Variants in FLYWCH2 observed in about 807,000 individuals in gnomAD.
FLYWCH2 encodes the protein FLYWCH family member 2.
FLYWCH2 carries 2 observed loss-of-function variants against 6.0 expected under a neutral mutation model. That is an observed-to-expected ratio of 0.33 (90% CI 0.14 to 1.04). The LOEUF (loss-of-function observed/expected upper bound fraction) is 1.04. Ranked by LOEUF, FLYWCH2 falls within the 50% of genes least tolerant of loss-of-function variation. The pLI is 0.45. For synonymous variants in FLYWCH2, 87 were observed against 79.3 expected (o/e 1.10, Z -0.52); for missense variants, 192 against 183.4 (o/e 1.05, Z -0.27).
intron 1 of FLYWCH2, among the ~76,000 whole-genome samples, chr16:2,894,924 C>T (rs1249857940): frequency 6.6e-6 from 1 of 152,148 alleles, no homozygotes; most frequent in Admixed American, 6.5e-5. Context: ...CCATGAGAAC[C>T]TCAAGCCCAG....
intron 1 of FLYWCH2, among the ~76,000 whole-genome samples, chr16:2,891,707 CTCTTT>C (rs1034534787): frequency 1.3e-5 from 2 of 151,690 alleles, no homozygotes; most frequent in African/African-American, 2.4e-5. Context: ...CCTGGCCTCT[CTCTTT>C]TATTTTATTT....
chr16:2,886,741 G>A (rs1392049938), intron 1 of FLYWCH2, among the ~76,000 whole-genome samples: 2 of 151,596 alleles, frequency 1.3e-5, no homozygotes, highest in African/African-American at 4.9e-5. Context: ...GGCTGGTCTC[G>A]AACTCCCGAC....
At chr16:2,892,287 G>A (rs1007388669) in intron 1 of FLYWCH2, among the ~76,000 whole-genome samples, 2 of 151,054 alleles carry the variant, frequency 1.3e-5, no homozygotes, top group South Asian at 4.2e-4. Flanking sequence ...CTGAGGTCAG[G>A]AGTTCGAGAC....
At chr16:2,888,677 G>C (rs1322410475) in intron 1 of FLYWCH2, among the ~76,000 whole-genome samples, 1 of 152,080 alleles carries the variant, frequency 6.6e-6, no homozygotes, top group African/African-American at 2.4e-5. Context: ...AGGTGCTCCA[G>C]TCCTGTGGGC....
At chr16:2,887,513 C>T (rs1015602752) in intron 1 of FLYWCH2, among the ~76,000 whole-genome samples, 19 of 151,656 alleles carry the variant, frequency 1.3e-4, no homozygotes, top group South Asian at 4.2e-4. Flanking sequence ...AAGCATACAA[C>T]TTCATTCTTT....
At chr16:2,887,313 C>CTTTTTTT (rs71158114) in intron 1 of FLYWCH2, among the ~76,000 whole-genome samples, 13 of 72,530 alleles carry the variant, frequency 1.8e-4, no homozygotes, top group African/African-American at 2.9e-4. Context: ...GCCCGGCTTT[C>CTTTTTTT]TTTTTTTTTT....
chr16:2,893,778 C>T (rs2069786027), intron 1 of FLYWCH2, among the ~76,000 whole-genome samples: 1 of 151,804 alleles, frequency 6.6e-6, no homozygotes, highest in Non-Finnish European at 1.5e-5. Context: ...GCTGGGATTA[C>T]GGGCGCCCGC....
chr16:2,898,928 G>A lies in FLYWCH2; in HGVS notation c.323-121G>A, dbSNP rs1243421972. 1.2e-5 allele frequency: 8 copies of A among 670,802 alleles called. No individual in the cohort carries two copies. In the East Asian group the frequency reaches 2.5e-4, roughly 21 times the overall value. 41.6% of individuals were successfully genotyped at this position (670,802 alleles called of 1,614,324 possible). On this transcript the variant is annotated intron_variant, in intron 3 of 3. Transcript: ENST00000396958. ...GCAGTCACTTCTCAGTCAGGCAGAG[G>A]CTTCTGGCCCTGGAGCATCCACTGG...
chr16:2,885,100 A>C (rs2069683488), intron 1 of FLYWCH2, among the ~76,000 whole-genome samples: 1 of 152,150 alleles, frequency 6.6e-6, no homozygotes, highest in Admixed American at 6.5e-5. Flanking sequence ...AGGAGGGCGG[A>C]TCACGAGGTC....
intron 3 of FLYWCH2, 114 bp downstream of exon 3, chr16:2,896,885 C>G (rs1232898272): frequency 1.9e-6 from 2 of 1,038,406 alleles, no homozygotes; most frequent in African/African-American, 1.6e-5. Flanking sequence ...TGTTCCCTGA[C>G]TTTGACCACG....
intron 3 of FLYWCH2, among the ~76,000 whole-genome samples, chr16:2,897,310 C>T (rs1021276843): frequency 1.3e-5 from 2 of 152,168 alleles, no homozygotes; most frequent in African/African-American, 2.4e-5. Context: ...CGGGACTGCC[C>T]CTGCTCTCCC....
intron 1 of FLYWCH2, among the ~76,000 whole-genome samples, chr16:2,892,494 T>TC (rs1369893634): frequency 1.0e-5 from 1 of 98,948 alleles, no homozygotes; most frequent in African/African-American, 4.0e-5. Flanking sequence ...AGACTCCATC[T>TC]CAAAAAAAAA....
chr16:2,891,800 C>T (rs1481389832), intron 1 of FLYWCH2, among the ~76,000 whole-genome samples: 2 of 152,124 alleles, frequency 1.3e-5, no homozygotes, highest in East Asian at 3.9e-4. Context: ...TTAAGTGATC[C>T]TCCCGCCTTG....
intron 1 of FLYWCH2, among the ~76,000 whole-genome samples, chr16:2,884,868 C>T (rs2069681009): frequency 1.3e-5 from 2 of 148,360 alleles, no homozygotes; most frequent in South Asian, 4.2e-4. Context: ...GAGCGATACT[C>T]CGTCTAAAAA....
At chr16:2,894,913 A>G (rs1596338818) in intron 1 of FLYWCH2, among the ~76,000 whole-genome samples, 1 of 152,160 alleles carries the variant, frequency 6.6e-6, no homozygotes, top group Non-Finnish European at 1.5e-5. Flanking sequence ...GTCCAAGGAA[A>G]CCATGAGAAC....
In FLYWCH2 at chr16:2,896,655, G is replaced by A. The variant is rs753717459; in HGVS notation, c.206G>A (p.Gly69Glu). 2 of 1,613,474 alleles carry A rather than the reference G, an allele frequency of 1.2e-6. No homozygotes were observed. Among genetic ancestry groups the A allele is most frequent in the African/African-American group, 2.7e-5 (2 of 75,028 alleles). Residue 69 changes from glycine to glutamate, a missense_variant, in exon 3 of 4, where the codon GGG (glycine) becomes GAG (glutamate). Gly to Glu is a moderately conservative substitution (Grantham distance 98). Transcript: ENST00000396958. ...GGTGTGCACTGTGTCATGTCCCTGG[G>A]GGTGCCCGGCCCCGCCACCCTTGCC... The part of the protein sequence containing the change: ...RKGVHCVMSL[G>E]VPGPATLAKA...
chr16:2,887,309 C>CTT (rs1404704064), intron 1 of FLYWCH2, among the ~76,000 whole-genome samples: 2 of 119,090 alleles, frequency 1.7e-5, no homozygotes, highest in African/African-American at 3.2e-5. Flanking sequence ...CCATGCCCGG[C>CTT]TTTCTTTTTT....
chr16:2,884,985 A>G (rs1207288070), intron 1 of FLYWCH2, among the ~76,000 whole-genome samples: 1 of 151,968 alleles, frequency 6.6e-6, no homozygotes, highest in Non-Finnish European at 1.5e-5. Context: ...ATATTTAACA[A>G]CTTTATTGAG....
chr16:2,889,960 C>T (rs2069737707), intron 1 of FLYWCH2, among the ~76,000 whole-genome samples: 1 of 152,084 alleles, frequency 6.6e-6, no homozygotes, highest in Admixed American at 6.6e-5. Context: ...TGGTGCGTGT[C>T]TGTAGTCTCA....
Sources: gnomAD v4.1 joint callset for allele counts (sites outside exome capture counted in the v4.1 genomes callset) on GRCh38, gnomAD v4.1.1 for gene constraint, MANE v1.5 for transcripts, NCBI Gene and HGNC (gene_info 2026-07-23, HGNC 2026-07-21) for gene names.